NXPH1: variants seen among roughly 807,000 people sequenced by gnomAD.
NXPH1 encodes the protein neurexophilin-1.
NXPH1 carries 5 observed loss-of-function variants against 23.7 expected under a neutral mutation model. The observed-to-expected ratio is 0.21, with a 90% CI of 0.11 to 0.44. The LOEUF (loss-of-function observed/expected upper bound fraction) is 0.44. Among genes scored for constraint, NXPH1 ranks in the 20% least tolerant of loss-of-function variants. The probability of loss-of-function intolerance (pLI) is 0.99; values close to 1 mark genes in which losing one functional copy is unlikely to be tolerated. For missense variants in NXPH1, 324 were observed against 321.6 expected, an observed-to-expected ratio of 1.01 and a Z score of -0.06; for synonymous variants, 144 against 122.2, an observed-to-expected ratio of 1.18 and a Z score of -1.18.
chr7:8,738,309 G>A lies in NXPH1; in HGVS notation c.55-12699G>A, dbSNP rs571748987. On this transcript the variant is annotated intron_variant, in intron 2 of 2. Transcript: ENST00000405863. Reference sequence around the variant, plus strand: ...TTGGTGACCTTTGGATGGGGTTTCTGTGTGGATGTCCTTTTTGTTGAGGTT... The same window carrying A: ...TTGGTGACCTTTGGATGGGGTTTCTATGTGGATGTCCTTTTTGTTGAGGTT... Among the ~76,000 whole-genome samples, 4 of 152,196 alleles carry A rather than the reference G, an allele frequency of 2.6e-5. 1 individual carries two copies. The highest frequency in any genetic ancestry group is 9.7e-5 in the African/African-American group (4 of 41,440).
At chr7:8,461,836 CAAAA>C (rs748848772) in intron 2 of NXPH1, among the ~76,000 whole-genome samples, 1 of 41,760 alleles carries the variant, frequency 2.4e-5, no homozygotes. Context: ...GACTCCGTCT[CAAAA>C]AAAAAAAAAA....
intron 2 of NXPH1, among the ~76,000 whole-genome samples, chr7:8,721,346 C>T (rs12531023): frequency 0.2 from 30,851 of 151,690 alleles, 3,241 homozygotes; most frequent in East Asian, 0.31. Context: ...ATGGAAGTTT[C>T]TTGTAACTTT....
chr7:8,517,249 C>A (rs956127668), intron 2 of NXPH1, among the ~76,000 whole-genome samples: 8 of 151,904 alleles, frequency 5.3e-5, no homozygotes, highest in African/African-American at 1.9e-4. Flanking sequence ...CAGAGAGGTA[C>A]CTCACCCAGA....
intron 2 of NXPH1, among the ~76,000 whole-genome samples, chr7:8,595,790 T>C (rs1819209789): frequency 6.6e-6 from 1 of 151,964 alleles, no homozygotes; most frequent in Non-Finnish European, 1.5e-5. Context: ...TTTTCAAGTT[T>C]CTTTCCGTAA....
chr7:8,645,692 T>G (rs1176478506), intron 2 of NXPH1, among the ~76,000 whole-genome samples: 1 of 152,162 alleles, frequency 6.6e-6, no homozygotes, highest in East Asian at 1.9e-4. Context: ...GGTCTTAAAG[T>G]TATTGTAAAC....
At chr7:8,594,156 C>A (rs1287401065) in intron 2 of NXPH1, among the ~76,000 whole-genome samples, 1 of 152,020 alleles carries the variant, frequency 6.6e-6, no homozygotes, top group South Asian at 2.1e-4. Flanking sequence ...CACTCCACCC[C>A]CCACGTTTAC....
At chr7:8,486,502 T>C (rs1305278025) in intron 2 of NXPH1, among the ~76,000 whole-genome samples, 3 of 152,198 alleles carry the variant, frequency 2.0e-5, no homozygotes, top group Admixed American at 6.5e-5. Context: ...TTAATAAGAC[T>C]GCCTTCTGCC....
chr7:8,649,662 G>T (rs1301332256), intron 2 of NXPH1, among the ~76,000 whole-genome samples: 1 of 152,074 alleles, frequency 6.6e-6, no homozygotes, highest in African/African-American at 2.4e-5. Context: ...TGTCTTTGTT[G>T]GCTGCTAGAA....
chr7:8,576,226 T>C (rs1201331091), intron 2 of NXPH1, among the ~76,000 whole-genome samples: 1 of 152,188 alleles, frequency 6.6e-6, no homozygotes, highest in Non-Finnish European at 1.5e-5. Flanking sequence ...CATGTTTCCA[T>C]ACTTAGCAAA....
At chr7:8,518,145 A>T (rs1212471688) in intron 2 of NXPH1, among the ~76,000 whole-genome samples, 2 of 152,160 alleles carry the variant, frequency 1.3e-5, no homozygotes, top group Non-Finnish European at 2.9e-5. Flanking sequence ...ATTGAAGTTA[A>T]CATTTGAATA....
At chr7:8,532,527 C>T (rs554169076) in intron 2 of NXPH1, among the ~76,000 whole-genome samples, 33 of 151,180 alleles carry the variant, frequency 2.2e-4, no homozygotes, top group Admixed American at 1.7e-3. Flanking sequence ...AGTTTTTGAG[C>T]TTCCACTGCG....
At chr7:8,627,467 G>C (rs980370809) in intron 2 of NXPH1, among the ~76,000 whole-genome samples, 2 of 152,128 alleles carry the variant, frequency 1.3e-5, no homozygotes, top group Non-Finnish European at 2.9e-5. Context: ...AATATTCTAA[G>C]TTGCCATGGC....
At chr7:8,689,513 A>G (rs1336091529) in intron 2 of NXPH1, among the ~76,000 whole-genome samples, 2 of 152,148 alleles carry the variant, frequency 1.3e-5, no homozygotes, top group African/African-American at 4.8e-5. Flanking sequence ...AAGGGGAGTG[A>G]TAGGAATGAA....
At chr7:8,635,794 G>C (rs1034000762) in intron 2 of NXPH1, among the ~76,000 whole-genome samples, 2 of 151,454 alleles carry the variant, frequency 1.3e-5, no homozygotes, top group Non-Finnish European at 2.9e-5. Context: ...TTCTTTTTTT[G>C]ACAATTAAAA....
At chr7:8,707,432 C>G (rs544941433) in intron 2 of NXPH1, among the ~76,000 whole-genome samples, 1 of 152,106 alleles carries the variant, frequency 6.6e-6, no homozygotes, top group Non-Finnish European at 1.5e-5. Flanking sequence ...ATAGTATGTT[C>G]CACAAGGAGT....
intron 2 of NXPH1, among the ~76,000 whole-genome samples, chr7:8,568,872 A>G (rs1009564582): frequency 6.6e-6 from 1 of 151,838 alleles, no homozygotes. Flanking sequence ...ATATCTTTGC[A>G]TTTGTAACCT....
chr7:8,650,973 T>G (rs1049171453), intron 2 of NXPH1, among the ~76,000 whole-genome samples: 2 of 151,970 alleles, frequency 1.3e-5, no homozygotes, highest in Non-Finnish European at 2.9e-5. Context: ...ATTTATTTAT[T>G]TATTTATTAT....
At chr7:8,510,984 T>C (rs956095961) in intron 2 of NXPH1, among the ~76,000 whole-genome samples, 14 of 152,190 alleles carry the variant, frequency 9.2e-5, no homozygotes, top group African/African-American at 2.6e-4. Context: ...AGTCTGATCT[T>C]CTCTGCTTCC....
chr7:8,519,929 A>AAC (rs1346093404), intron 2 of NXPH1, among the ~76,000 whole-genome samples: 1 of 152,150 alleles, frequency 6.6e-6, no homozygotes, highest in Non-Finnish European at 1.5e-5. Flanking sequence ...TATTGATGAA[A>AAC]ACCTATCATC....
Sources: gnomAD v4.1 joint callset for allele counts (sites outside exome capture counted in the v4.1 genomes callset) on GRCh38, gnomAD v4.1.1 for gene constraint, MANE v1.5 for transcripts, NCBI Gene and HGNC (gene_info 2026-07-23, HGNC 2026-07-21) for gene names.